The following EXT2 variants were observed in gnomAD, a reference collection of about 807,000 sequenced individuals.
EXT2 encodes exostosin-2.
Under a neutral mutation model 81.6 loss-of-function variants are expected in EXT2, and 53 were observed. The ratio of observed to expected loss-of-function variants is 0.65; its 90% confidence interval spans 0.52 to 0.82. The LOEUF is 0.82. Ranked by LOEUF, EXT2 falls within the 40% of genes least tolerant of loss-of-function variation. The pLI, the probability that EXT2 is intolerant of heterozygous loss-of-function variation, is 0.00. For missense variants in EXT2, 774 were observed against 910.2 expected (o/e 0.85, Z 1.93); for synonymous variants, 320 against 340.0 (o/e 0.94, Z 0.65).
At chr11:44,206,121 C>T (rs1238486078) in intron 9 of EXT2, among the ~76,000 whole-genome samples, 1 of 152,044 alleles carries the variant, frequency 6.6e-6, no homozygotes, top group Admixed American at 6.5e-5. Context: ...GAAACCAAAC[C>T]TAGTGAGTTG....
At chr11:44,154,392 A>G (rs10769020) in intron 7 of EXT2, among the ~76,000 whole-genome samples, 139,200 of 152,180 alleles carry the variant, frequency 0.91, 63,758 homozygotes, top group East Asian at 0.99. Context: ...AACATGCCAA[A>G]GTTGTCTTTC....
chr11:44,186,365 T>C (rs912616379), intron 8 of EXT2, among the ~76,000 whole-genome samples: 8 of 152,170 alleles, frequency 5.3e-5, no homozygotes, highest in African/African-American at 1.9e-4. Flanking sequence ...ATATGGCTTA[T>C]GTTGAACCAT....
intron 8 of EXT2, among the ~76,000 whole-genome samples, chr11:44,190,738 C>T (rs1031607315): frequency 6.6e-6 from 1 of 152,232 alleles, no homozygotes; most frequent in Non-Finnish European, 1.5e-5. Context: ...CTTGATTTCA[C>T]AATCCGAGTA....
At chr11:44,122,719 C>T (rs1485064918) in intron 4 of EXT2, among the ~76,000 whole-genome samples, 1 of 152,152 alleles carries the variant, frequency 6.6e-6, no homozygotes, top group East Asian at 1.9e-4. Context: ...CTCCACTTAC[C>T]GTCATCCTGG....
At chr11:44,202,919 C>T (rs765019813) in intron 9 of EXT2, among the ~76,000 whole-genome samples, 23 of 152,190 alleles carry the variant, frequency 1.5e-4, no homozygotes, top group Non-Finnish European at 3.1e-4. Flanking sequence ...CTCATGGAAT[C>T]CTAAGGCCAT....
At position 44,249,476 on chromosome 11, in the gene EXT2, C is replaced by T. The variant is rs1398780299; in HGVS notation, c.*5189C>T. ...AGCAAAGCCCCATCTTGTGGACAAC[C>T]TCTCAGGAATTGCAGGTGGTGTGGG... On this transcript the variant is annotated 3_prime_UTR_variant, in exon 14 of 14. Transcript: ENST00000533608. Among the ~76,000 whole-genome samples, 4 of 152,226 alleles carry T rather than the reference C, an allele frequency of 2.6e-5. No individual in the cohort carries two copies. Among genetic ancestry groups the T allele is most frequent in the Non-Finnish European group, 2.9e-5 (2 of 68,042 alleles).
chr11:44,173,918 C>G (rs1955117572), intron 8 of EXT2, among the ~76,000 whole-genome samples: 1 of 152,180 alleles, frequency 6.6e-6, no homozygotes, highest in South Asian at 2.1e-4. Flanking sequence ...TATGTTTACA[C>G]ATAAATATGT....
At chr11:44,150,060 G>T (rs1219739064) in intron 7 of EXT2, among the ~76,000 whole-genome samples, 1 of 152,196 alleles carries the variant, frequency 6.6e-6, no homozygotes, top group Non-Finnish European at 1.5e-5. Context: ...CTGGAAGATT[G>T]TGTAGAGCCT....
rs555206160 is a variant in EXT2, at chr11:44,107,903, G to A, written c.191G>A (p.Arg64His). The A allele has an allele frequency of 8.1e-6, 13 of 1,614,208 alleles. No individual in the cohort carries two copies. Among genetic ancestry groups the A allele is most frequent in the South Asian group, 4.4e-5 (4 of 91,092 alleles). The change falls in exon 2 of 14, where the codon CGT (arginine) becomes CAT (histidine). Residue 64 changes from arginine to histidine, a missense_variant. Arg to His is a conservative substitution (Grantham distance 29). Coordinates refer to ENST00000533608, the MANE Select transcript of EXT2 (RefSeq NM_207122.2). ...TGGAATGTAGAGAAGCGCAGCATCC[G>A]TGATGTGCCGGTTGTTAGGCTGCCA... ...NDWNVEKRSI[R>H]DVPVVRLPAD...
intron 4 of EXT2, among the ~76,000 whole-genome samples, chr11:44,119,153 T>TATATATATAC (rs1954273979): frequency 1.1e-5 from 1 of 94,642 alleles, no homozygotes; most frequent in Admixed American, 1.2e-4. Flanking sequence ...TATATATATA[T>TATATATATAC]ATATATATAT....
chr11:44,124,684 CT>C, intron 4 of EXT2, 104 bp from the exon 5 acceptor site: 1 of 858,170 alleles, frequency 1.2e-6, no homozygotes, highest in Non-Finnish European at 2.0e-6. Flanking sequence ...GAGGTGAAGA[CT>C]GGTAAGGAAA....
chr11:44,102,775 C>T (rs145357252), intron 1 of EXT2, among the ~76,000 whole-genome samples: 43 of 152,174 alleles, frequency 2.8e-4, no homozygotes, highest in African/African-American at 9.9e-4. Flanking sequence ...TCATTGTGGT[C>T]TTACTTTCCA....
chr11:44,152,431 GCCT>G (rs1418008057), intron 7 of EXT2, among the ~76,000 whole-genome samples: 1 of 152,016 alleles, frequency 6.6e-6, no homozygotes, highest in Non-Finnish European at 1.5e-5. Flanking sequence ...GCTCACTGCA[GCCT>G]CCTCCTTCTG....
At chr11:44,187,688 G>T (rs1347884660) in intron 8 of EXT2, among the ~76,000 whole-genome samples, 2 of 152,032 alleles carry the variant, frequency 1.3e-5, no homozygotes, top group Non-Finnish European at 2.9e-5. Flanking sequence ...ATACAGGAGG[G>T]TATTTTTTGT....
At chr11:44,117,717 A>G (rs1954242783) in intron 4 of EXT2, among the ~76,000 whole-genome samples, 1 of 152,198 alleles carries the variant, frequency 6.6e-6, no homozygotes, top group Admixed American at 6.5e-5. Flanking sequence ...TTAGCTTTGT[A>G]TTAAGTTTTG....
intron 7 of EXT2, among the ~76,000 whole-genome samples, chr11:44,166,751 A>G (rs1590613408): frequency 1.3e-5 from 2 of 152,142 alleles, no homozygotes; most frequent in East Asian, 3.9e-4. Context: ...CATAAATCCA[A>G]ATAGCCTCTG....
chr11:44,106,749 C>A (rs1954060943), intron 1 of EXT2, among the ~76,000 whole-genome samples: 1 of 152,230 alleles, frequency 6.6e-6, no homozygotes, highest in Non-Finnish European at 1.5e-5. Context: ...CCTGCCTCAG[C>A]CTCCCAACTA....
intron 7 of EXT2, among the ~76,000 whole-genome samples, chr11:44,169,045 C>A (rs892888329): frequency 6.6e-6 from 1 of 151,966 alleles, no homozygotes; most frequent in Non-Finnish European, 1.5e-5. Flanking sequence ...CATGGTGAAA[C>A]CCCATCTCTA....
chr11:44,240,080 G>A (rs1041147924), intron 13 of EXT2, among the ~76,000 whole-genome samples: 3 of 152,306 alleles, frequency 2.0e-5, no homozygotes, highest in South Asian at 4.1e-4. Context: ...CTCTGTACAT[G>A]TTTAGTATAG....
Sources: allele counts gnomAD v4.1 joint callset (sites outside exome capture counted in the v4.1 genomes callset), GRCh38; gene constraint gnomAD v4.1.1; transcripts MANE v1.5; gene names NCBI Gene and HGNC (gene_info 2026-07-23, HGNC 2026-07-21).